ATP13A4: variants seen among roughly 807,000 people sequenced by gnomAD.
ATP13A4 encodes ATPase 13A4.
In ATP13A4, 114 loss-of-function variants were observed where a neutral mutation model predicts 142.5. The observed-to-expected ratio is 0.80, with a 90% CI of 0.69 to 0.93. The LOEUF (loss-of-function observed/expected upper bound fraction) is 0.93. Ranked by LOEUF, ATP13A4 falls within the 40% of genes least tolerant of loss-of-function variation. The probability of loss-of-function intolerance (pLI) is 0.00; values close to 1 mark genes in which losing one functional copy is unlikely to be tolerated. For missense variants in ATP13A4, 1,392 were observed against 1,454.0 expected (o/e 0.96, Z 0.69); for synonymous variants, 488 against 514.8 (o/e 0.95, Z 0.70).
chr3:193,517,576 G>C (rs555756089), intron 1 of ATP13A4, among the ~76,000 whole-genome samples: 6 of 152,292 alleles, frequency 3.9e-5, no homozygotes, highest in South Asian at 2.1e-4. Context: ...CGCCTCCCGG[G>C]TTCACGCCAT....
chr3:193,493,479 T>C (rs1339126780), intron 3 of ATP13A4, among the ~76,000 whole-genome samples: 2 of 152,052 alleles, frequency 1.3e-5, no homozygotes, highest in Non-Finnish European at 2.9e-5. Flanking sequence ...CAGTCCAATA[T>C]GTACCATGCC....
At chr3:193,515,856 A>C (rs1474502221) in intron 1 of ATP13A4, among the ~76,000 whole-genome samples, 1 of 152,212 alleles carries the variant, frequency 6.6e-6, no homozygotes, top group Non-Finnish European at 1.5e-5. Context: ...GGTTAAAAGC[A>C]CATTCTCCAG....
Position 193,459,117 on chromosome 3 carries a change from G to T in ATP13A4, c.1638C>A (p.Asp546Glu). 1 of 1,614,228 alleles carries T rather than the reference G, an allele frequency of 6.2e-7. No individual in the cohort carries two copies. Among genetic ancestry groups the T allele is most frequent in the Non-Finnish European group, 8.5e-7 (1 of 1,180,044 alleles). The change falls in exon 14 of 30, where the codon GAC becomes GAA. Residue 546 changes from aspartate (D) to glutamate (E), a missense_variant. Asp to Glu is a conservative substitution (Grantham distance 45). Transcript: ENST00000342695. ...LILLDGTIQG[D>E]PLDLKMFEAT... Reference sequence around the variant, plus strand: ...CTTCAAACATTTTGAGGTCCAGAGGGTCTCCCTGGATGGTCCCATCAAGAA... The same window carrying T: ...CTTCAAACATTTTGAGGTCCAGAGGTTCTCCCTGGATGGTCCCATCAAGAA...
At chr3:193,530,135 C>G (rs1249474999) in intron 1 of ATP13A4, among the ~76,000 whole-genome samples, 1 of 152,182 alleles carries the variant, frequency 6.6e-6, no homozygotes, top group East Asian at 1.9e-4. Context: ...TGTCCTATAA[C>G]TACTCACCAT....
intron 16 of ATP13A4, 70 bp downstream of exon 16, chr3:193,456,930 C>G: frequency 1.3e-6 from 2 of 1,538,276 alleles, no homozygotes; most frequent in Admixed American, 3.9e-5. Flanking sequence ...ATTAATAGAT[C>G]AAATGCAGTG....
At chr3:193,585,985 C>T (rs1021800275) in intron 1 of ATP13A4, among the ~76,000 whole-genome samples, 7 of 152,050 alleles carry the variant, frequency 4.6e-5, no homozygotes, top group African/African-American at 1.2e-4. Flanking sequence ...TCCACATCCT[C>T]GACAAAATTT....
chr3:193,444,916 A>G (rs1049937357), intron 18 of ATP13A4, among the ~76,000 whole-genome samples: 1 of 152,212 alleles, frequency 6.6e-6, no homozygotes, highest in African/African-American at 2.4e-5. Flanking sequence ...CATGCTCCAC[A>G]GCAGGCCCCT....
chr3:193,582,184 T>C (rs1302589007), intron 1 of ATP13A4, among the ~76,000 whole-genome samples: 2 of 149,074 alleles, frequency 1.3e-5, no homozygotes, highest in African/African-American at 4.9e-5. Flanking sequence ...GTTTTCCTCT[T>C]GTGGCCCAGG....
chr3:193,459,325 T>G, intron 13 of ATP13A4, 94 bp from the exon 14 acceptor site: 1 of 1,468,860 alleles, frequency 6.8e-7, no homozygotes, highest in African/African-American at 1.4e-5. Context: ...AAAAAATAAT[T>G]TAATATGCTT....
intron 1 of ATP13A4, among the ~76,000 whole-genome samples, chr3:193,544,526 G>A (rs573499741): frequency 2.6e-5 from 4 of 152,158 alleles, no homozygotes; most frequent in Non-Finnish European, 5.9e-5. Flanking sequence ...CATAAGCCCA[G>A]GAGGATACCA....
chr3:193,507,548 C>A (rs1720922036), intron 2 of ATP13A4, among the ~76,000 whole-genome samples: 1 of 152,040 alleles, frequency 6.6e-6, no homozygotes, highest in Non-Finnish European at 1.5e-5. Context: ...GAGGGAGGGA[C>A]AACACAATGA....
chr3:193,466,891 T>C (rs1395409309), intron 10 of ATP13A4, among the ~76,000 whole-genome samples: 1 of 152,198 alleles, frequency 6.6e-6, no homozygotes, highest in Non-Finnish European at 1.5e-5. Context: ...TATATATATA[T>C]GATGTGTTTT....
chr3:193,464,773 G>C (rs1346630243), intron 12 of ATP13A4, among the ~76,000 whole-genome samples, 167 bp downstream of exon 12: 1 of 152,140 alleles, frequency 6.6e-6, no homozygotes, highest in Non-Finnish European at 1.5e-5. Flanking sequence ...CTTGGACTCT[G>C]CGAGCTCAAG....
At chr3:193,485,543 A>T (rs574588888) in intron 7 of ATP13A4, among the ~76,000 whole-genome samples, 1 of 152,248 alleles carries the variant, frequency 6.6e-6, no homozygotes, top group Non-Finnish European at 1.5e-5. Context: ...ATGCAGAAGC[A>T]GTTATGAAAA....
At chr3:193,447,308 A>T (rs2108627925) in intron 18 of ATP13A4, among the ~76,000 whole-genome samples, 1 of 152,308 alleles carries the variant, frequency 6.6e-6, no homozygotes, top group African/African-American at 2.4e-5. Context: ...GGAGAAAGTA[A>T]AAACAGTCCA....
At chr3:193,513,744 G>A (rs982278535) in intron 2 of ATP13A4, among the ~76,000 whole-genome samples, 26 of 152,354 alleles carry the variant, frequency 1.7e-4, no homozygotes, top group African/African-American at 5.5e-4. Flanking sequence ...TCAAGGGCAA[G>A]ATGGCTGCAC....
intron 23 of ATP13A4, among the ~76,000 whole-genome samples, chr3:193,437,155 A>G (rs765792570): frequency 2.0e-5 from 3 of 149,054 alleles, no homozygotes; most frequent in Non-Finnish European, 4.4e-5. Flanking sequence ...TTTCTGTATC[A>G]GAGTTTTGCC....
intron 13 of ATP13A4, among the ~76,000 whole-genome samples, chr3:193,461,865 G>C (rs1276353247): frequency 6.6e-6 from 1 of 152,174 alleles, no homozygotes. Flanking sequence ...CCACAGGAGA[G>C]GACTGTGCAA....
intron 29 of ATP13A4, among the ~76,000 whole-genome samples, chr3:193,405,608 G>C (rs67844842): frequency 0.062 from 9,476 of 152,220 alleles, 364 homozygotes; most frequent in Middle Eastern, 0.12. Context: ...CATCGAAGGA[G>C]AGTAGAAGAG....
Sources: allele counts gnomAD v4.1 joint callset (sites outside exome capture counted in the v4.1 genomes callset), GRCh38; gene constraint gnomAD v4.1.1; transcripts MANE v1.5; gene names NCBI Gene and HGNC (gene_info 2026-07-23, HGNC 2026-07-21).